OLFM2: variants seen among roughly 807,000 people sequenced by gnomAD.
OLFM2 encodes the protein noelin-2.
Under a neutral mutation model 43.9 loss-of-function variants are expected in OLFM2, and 20 were observed. That is an observed-to-expected ratio of 0.46 (90% CI 0.32 to 0.66). The LOEUF (loss-of-function observed/expected upper bound fraction) is 0.66. Among genes scored for constraint, OLFM2 ranks in the 30% least tolerant of loss-of-function variants. The pLI, the probability that OLFM2 is intolerant of heterozygous loss-of-function variation, is 0.04. For missense variants in OLFM2, 416 were observed against 643.6 expected, an observed-to-expected ratio of 0.65 and a Z score of 3.83; for synonymous variants, 268 against 278.6, an observed-to-expected ratio of 0.96 and a Z score of 0.38.
chr19:9,894,616 C>T (rs1209746542), intron 1 of OLFM2, among the ~76,000 whole-genome samples: 2 of 149,680 alleles, frequency 1.3e-5, no homozygotes, highest in Admixed American at 6.7e-5. Context: ...GGCTGAGCCA[C>T]GAGAATGGCT....
intron 1 of OLFM2, among the ~76,000 whole-genome samples, chr19:9,916,151 G>A (rs2046874676): frequency 6.6e-6 from 1 of 152,158 alleles, no homozygotes; most frequent in African/African-American, 2.4e-5. Flanking sequence ...GAGGCCAGGA[G>A]TTCGAGACCA....
At chr19:9,886,606 C>T (rs1009414414) in intron 1 of OLFM2, among the ~76,000 whole-genome samples, 4 of 152,176 alleles carry the variant, frequency 2.6e-5, no homozygotes. Context: ...CGAAAGCAGC[C>T]CTCACTTCGA....
Position 9,923,721 on chromosome 19 carries a change from T to C in OLFM2, c.63+12583A>G, listed in dbSNP as rs147407937. On this transcript the variant is annotated intron_variant, in intron 1 of 5. Transcript: ENST00000264833. ...AAAAGAAAAGAGTGCAGTGGTGGGA[T>C]TGCCTTTACCTCCTGGGCTCAAGCG... is the stretch of plus-strand genomic sequence containing the variant. Among the ~76,000 whole-genome samples the C allele has an allele frequency of 1.5e-3, 227 of 151,962 alleles. 1 individual carries two copies. The highest frequency in any genetic ancestry group is 5.2e-3 in the African/African-American group (214 of 41,488).
intron 1 of OLFM2, among the ~76,000 whole-genome samples, chr19:9,912,923 G>T (rs1220671813): frequency 6.6e-6 from 1 of 151,680 alleles, no homozygotes; most frequent in African/African-American, 2.4e-5. Context: ...AGGAAAGATA[G>T]AAATATTAAT....
Position 9,857,025 on chromosome 19 carries a change from G to T in OLFM2, c.581-112C>A. 1.0e-6 allele frequency: 1 copy of T among 983,648 alleles called. No individual in the cohort carries two copies. The highest frequency in any genetic ancestry group is 1.6e-6 in the Non-Finnish European group (1 of 640,778). 60.9% of individuals were successfully genotyped at this position (983,648 alleles called of 1,614,324 possible). A position where few individuals can be genotyped will look rare whatever the true frequency, so the allele number is the denominator to read the frequency against. On this transcript the variant is annotated intron_variant, in intron 4 of 5. Transcript: ENST00000264833. The surrounding 1 kb of genome is among the most constrained non-coding windows in gnomAD (Gnocchi z 5.7). ...GGGAAAGCTGGGACCAGGGATGAGG[G>T]AAGACTCAAAAATCTGGTCCCAATA...
chr19:9,933,810 A>G (rs1460252721), intron 1 of OLFM2, among the ~76,000 whole-genome samples: 1 of 149,652 alleles, frequency 6.7e-6, no homozygotes. Context: ...ACTTGCCTCA[A>G]CTTCCCAAAA....
At position 9,860,677 on chromosome 19, in the gene OLFM2, T is replaced by C; in HGVS notation, c.181A>G (p.Arg61Gly). The change falls in exon 2 of 6, where the codon AGG (arginine) becomes GGG (glycine). Residue 61 changes from arginine to glycine, a missense_variant. Coordinates refer to ENST00000264833, the MANE Select transcript of OLFM2 (RefSeq NM_058164.4). ...PAQSTCSRDGRSRELRQLMEK... is the reference protein window; with the variant it reads ...PAQSTCSRDGGSRELRQLMEK... The stretch of plus-strand genomic sequence containing the variant: ...ATCAGTTGCCGCAGCTCCCGACTCC[T>C]GCCATCTCGAGAGCAGGTACTCTGC... 1 of 1,597,480 alleles carries C rather than the reference T, an allele frequency of 6.3e-7. No homozygotes were observed. The highest frequency in any genetic ancestry group is 8.5e-7 in the Non-Finnish European group (1 of 1,171,676).
rs553248514 is a variant in OLFM2, at chr19:9,857,052, G to A, written c.581-139C>T. 1.2e-6 allele frequency: 1 copy of A among 842,898 alleles called. No individual in the cohort carries two copies. Among genetic ancestry groups the A allele is most frequent in the Non-Finnish European group, 1.9e-6 (1 of 519,782 alleles). The allele number at this position is 842,898 out of a possible 1,614,324, so 52.2% of individuals were successfully genotyped here. ...AGACTCAAAAATCTGGTCCCAATATGTTGTTCAGTTGTGAGTGAGGGGTTA... is the reference window on the plus strand; with the variant it reads ...AGACTCAAAAATCTGGTCCCAATATATTGTTCAGTTGTGAGTGAGGGGTTA... On this transcript the variant is annotated intron_variant, in intron 4 of 5. Coordinates refer to ENST00000264833, the MANE Select transcript of OLFM2 (RefSeq NM_058164.4). The surrounding 1 kb of genome is among the most constrained non-coding windows in gnomAD (Gnocchi z 5.7).
intron 1 of OLFM2, among the ~76,000 whole-genome samples, chr19:9,871,530 G>T (rs530030604): frequency 1.4e-5 from 2 of 146,342 alleles, no homozygotes; most frequent in South Asian, 2.1e-4. Flanking sequence ...CTGAGATCCC[G>T]CCATTGCACT....
At chr19:9,882,704 G>C (rs1224770424) in intron 1 of OLFM2, among the ~76,000 whole-genome samples, 1 of 151,442 alleles carries the variant, frequency 6.6e-6, no homozygotes, top group Non-Finnish European at 1.5e-5. Flanking sequence ...GGCCTCAGGA[G>C]TTTGAGACCA....
intron 2 of OLFM2, among the ~76,000 whole-genome samples, chr19:9,858,499 T>C (rs1330028727): frequency 1.3e-5 from 2 of 152,208 alleles, no homozygotes; most frequent in East Asian, 1.9e-4. Context: ...AACATTCTTA[T>C]CCATCTGCCT....
At chr19:9,890,482 G>A (rs936184591) in intron 1 of OLFM2, among the ~76,000 whole-genome samples, 2 of 152,210 alleles carry the variant, frequency 1.3e-5, no homozygotes, top group African/African-American at 4.8e-5. Flanking sequence ...GTGTCTACAG[G>A]AGTGAGTAAC....
intron 1 of OLFM2, among the ~76,000 whole-genome samples, chr19:9,870,069 A>T (rs933251243): frequency 6.6e-6 from 1 of 152,036 alleles, no homozygotes; most frequent in Non-Finnish European, 1.5e-5. Context: ...ATTAAAAAAA[A>T]ATTTTTTTTT....
intron 1 of OLFM2, among the ~76,000 whole-genome samples, chr19:9,880,405 G>A (rs931224961): frequency 6.6e-6 from 1 of 152,072 alleles, no homozygotes; most frequent in Non-Finnish European, 1.5e-5. Flanking sequence ...GTAGGAAGAC[G>A]CATGGCAAAC....
chr19:9,915,772 C>A (rs2046871806), intron 1 of OLFM2, among the ~76,000 whole-genome samples: 1 of 152,130 alleles, frequency 6.6e-6, no homozygotes, highest in African/African-American at 2.4e-5. Flanking sequence ...CCCACCTCGG[C>A]CTCCCAAAGT....
At position 9,854,097 on chromosome 19, in the gene OLFM2, G is replaced by T; in HGVS notation, c.*89C>A. 8.4e-7 allele frequency: 1 copy of T among 1,186,796 alleles called. No individual in the cohort carries two copies. 73.5% of individuals were successfully genotyped at this position (1,186,796 alleles called of 1,614,324 possible). A position where few individuals can be genotyped will look rare whatever the true frequency, so the allele number is the denominator to read the frequency against. On this transcript the variant is annotated 3_prime_UTR_variant, in exon 6 of 6. Transcript: ENST00000264833. This position sits in a 1 kb window ranked among gnomAD's most constrained non-coding sequence, Gnocchi z 9.5. ...GGAGAAAGGGCGTGACAGAGACAGA[G>T]AGATCACCCTTGAGGGACACAGGCA...
chr19:9,932,891 G>T (rs2086492104), intron 1 of OLFM2, among the ~76,000 whole-genome samples: 2 of 152,142 alleles, frequency 1.3e-5, no homozygotes, highest in African/African-American at 4.8e-5. Flanking sequence ...GATCCTGGAT[G>T]AATGGACAAT....
At chr19:9,871,669 A>G (rs2046443681) in intron 1 of OLFM2, among the ~76,000 whole-genome samples, 1 of 151,636 alleles carries the variant, frequency 6.6e-6, no homozygotes, top group Admixed American at 6.6e-5. Flanking sequence ...CACAGTCTAC[A>G]CTGGCTTGCG....
chr19:9,922,925 A>G (rs1316855583), intron 1 of OLFM2, among the ~76,000 whole-genome samples: 19 of 151,518 alleles, frequency 1.3e-4, no homozygotes, highest in Non-Finnish European at 8.8e-5. Context: ...AAAAAAAAAA[A>G]GAAAGAAAAA....
Sources: allele counts gnomAD v4.1 joint callset (sites outside exome capture counted in the v4.1 genomes callset), GRCh38; gene constraint gnomAD v4.1.1; non-coding constraint Gnocchi (gnomAD v3.1); transcripts MANE v1.5; gene names NCBI Gene and HGNC (gene_info 2026-07-23, HGNC 2026-07-21).